S100A8: variants seen among roughly 807,000 people sequenced by gnomAD.
S100A8 encodes protein S100-A8.
S100A8 carries 1 observed loss-of-function variant against 4.2 expected under a neutral mutation model. The ratio of observed to expected loss-of-function variants is 0.24; its 90% CI spans 0.08 to 1.12. S100A8 has a LOEUF of 1.12. Ranked by LOEUF, S100A8 falls within the 50% of genes most tolerant of loss-of-function variation. The pLI is 0.53. For synonymous variants in S100A8, 41 were observed against 44.7 expected, an observed-to-expected ratio of 0.92 and a Z score of 0.33; for missense variants, 96 against 111.8, an observed-to-expected ratio of 0.86 and a Z score of 0.64.
At chr1:153,416,730 C>T in the S100A8 span, among the ~76,000 whole-genome samples, 1 of 152,232 alleles carries the variant, frequency 6.6e-6, no homozygotes, top group Non-Finnish European at 1.5e-5. Flanking sequence ...CAAAAGCCCA[C>T]GTCTGTACAA....
the S100A8 span, chr1:153,420,342 G>T: frequency 6.6e-6 from 1 of 152,284 alleles, no homozygotes; most frequent in Non-Finnish European, 1.5e-5. Context: ...GTGTTCACCT[G>T]GTGTCACTTC....
chr1:153,418,110 A>G, the S100A8 span: 13 of 1,614,226 alleles, frequency 8.1e-6, no homozygotes, highest in African/African-American at 5.3e-5. Context: ...TGAGAGGTCC[A>G]TAATAGGCAT....
the S100A8 span, chr1:153,418,277 T>C: frequency 3.1e-6 from 5 of 1,608,834 alleles, no homozygotes; most frequent in South Asian, 2.2e-5. Flanking sequence ...TGGCTGAGGA[T>C]ACATTTTGCT....
At chr1:153,399,151 C>T in the S100A8 span, among the ~76,000 whole-genome samples, 3 of 152,188 alleles carry the variant, frequency 2.0e-5, no homozygotes, top group Non-Finnish European at 2.9e-5. Flanking sequence ...GATTCCCCAA[C>T]GCTCAGGCAG....
At chr1:153,407,992 G>A in the S100A8 span, among the ~76,000 whole-genome samples, 1 of 152,138 alleles carries the variant, frequency 6.6e-6, no homozygotes. Flanking sequence ...AAGACCAAAG[G>A]TAGATAAAAC....
At chr1:153,411,716 A>G in the S100A8 span, among the ~76,000 whole-genome samples, 2 of 152,210 alleles carry the variant, frequency 1.3e-5, no homozygotes, top group Admixed American at 6.5e-5. Flanking sequence ...GCATCACACT[A>G]CCTGACTTCA....
At chr1:153,421,421 C>G in the S100A8 span, 1 of 152,238 alleles carries the variant, frequency 6.6e-6, no homozygotes, top group Non-Finnish European at 1.5e-5. Flanking sequence ...TACCTCGGAT[C>G]TCCTGGTTAC....
chr1:153,417,275 G>A, the S100A8 span: 2 of 152,052 alleles, frequency 1.3e-5, no homozygotes, highest in African/African-American at 2.4e-5. Flanking sequence ...ATCTGCTTTG[G>A]AAAGTCAGAC....
At chr1:153,417,368 T>TCACTCCCACCC in the S100A8 span, 1 of 152,302 alleles carries the variant, frequency 6.6e-6, no homozygotes, top group Non-Finnish European at 1.5e-5. Context: ...GACTCCCACC[T>TCACTCCCACCC]CACTCCCACC....
chr1:153,418,144 C>T, the S100A8 span: 6 of 1,613,956 alleles, frequency 3.7e-6, no homozygotes, highest in Non-Finnish European at 4.2e-6. Context: ...CACAAATACA[C>T]CGGACGTGAT....
At chr1:153,419,352 A>AAAT in the S100A8 span, 1 of 1,581,944 alleles carries the variant, frequency 6.3e-7, no homozygotes, top group Non-Finnish European at 8.6e-7. Flanking sequence ...AGGAACAATA[A>AAAT]GTGTCTCCTC....
At chr1:153,396,966 G>A in the S100A8 span, among the ~76,000 whole-genome samples, 3 of 152,226 alleles carry the variant, frequency 2.0e-5, no homozygotes, top group Non-Finnish European at 4.4e-5. Flanking sequence ...CCTAGTTGGT[G>A]CCCCCATAAC....
chr1:153,393,630 G>A (rs557322329), upstream of S100A8, among the ~76,000 whole-genome samples: 10 of 152,168 alleles, frequency 6.6e-5, no homozygotes, highest in South Asian at 4.1e-4. Flanking sequence ...GGAAAACAAC[G>A]CCATTTCTGA....
chr1:153,418,183 C>A, the S100A8 span: 11 of 1,613,892 alleles, frequency 6.8e-6, no homozygotes, highest in African/African-American at 1.3e-4. Context: ...AGCCTGCTGA[C>A]GATGATGAAG....
chr1:153,404,110 G>A, the S100A8 span, among the ~76,000 whole-genome samples: 192 of 152,238 alleles, frequency 1.3e-3, 1 homozygote, highest in African/African-American at 4.2e-3. Context: ...GAAAAGCCAC[G>A]TGGAAGAGAC....
Position 153,390,096 on chromosome 1 carries a change from A to G in S100A8, c.*7T>C, listed in dbSNP as rs1242572443. The G allele has an allele frequency of 5.0e-6, 8 of 1,609,588 alleles. No individual in the cohort carries two copies. In the South Asian group the frequency reaches 8.8e-5, roughly 18 times the overall value. Reference sequence around the variant, plus strand: ...CAGGGGCCCAGCCTCTGGGCCCAGTAACTCAGCTACTCTTTGTGGCTTTCT... The same window carrying G: ...CAGGGGCCCAGCCTCTGGGCCCAGTGACTCAGCTACTCTTTGTGGCTTTCT... On this transcript the variant is annotated 3_prime_UTR_variant, in exon 3 of 3. Coordinates refer to ENST00000368733, the MANE Select transcript of S100A8 (RefSeq NM_002964.5).
chr1:153,394,607 G>C (rs1268451527), upstream of S100A8, among the ~76,000 whole-genome samples: 4 of 152,176 alleles, frequency 2.6e-5, no homozygotes, highest in African/African-American at 9.7e-5. Flanking sequence ...AGAATGCAAA[G>C]GGGAATGGGG....
At chr1:153,392,725 C>T (rs1255502265), upstream of S100A8, among the ~76,000 whole-genome samples, 1 of 152,146 alleles carries the variant, frequency 6.6e-6, no homozygotes, top group Non-Finnish European at 1.5e-5. Flanking sequence ...TCCACCGTGC[C>T]CTGGGAGATG....
the S100A8 span, among the ~76,000 whole-genome samples, chr1:153,407,907 C>T: frequency 6.6e-6 from 1 of 152,202 alleles, no homozygotes; most frequent in South Asian, 2.1e-4. Context: ...GCTGAGGGTC[C>T]TGACTGTTAG....
Sources: gnomAD v4.1 joint callset for allele counts (sites outside exome capture counted in the v4.1 genomes callset) on GRCh38, gnomAD v4.1.1 for gene constraint, MANE v1.5 for transcripts, NCBI Gene and HGNC (gene_info 2026-07-23, HGNC 2026-07-21) for gene names.